IGSF10: variants seen among roughly 807,000 people sequenced by gnomAD.
IGSF10 encodes the protein calvaria mechanical force protein 608.
A neutral mutation model predicts 128.2 loss-of-function variants in IGSF10; 126 were observed. That is an observed-to-expected ratio of 0.98 (90% CI 0.85 to 1.14). The LOEUF is 1.14. IGSF10 is among the 50% of genes most tolerant of loss of function. The pLI is 0.00. For synonymous variants in IGSF10, 1,185 were observed against 1,146.2 expected (o/e 1.03, Z -0.68); for missense variants, 3,295 against 3,149.8 (o/e 1.05, Z -1.10).
the IGSF10 span, among the ~76,000 whole-genome samples, chr3:151,572,896 T>C: frequency 2.0e-5 from 3 of 152,240 alleles, no homozygotes; most frequent in South Asian, 4.1e-4. Flanking sequence ...TTTAAATGTG[T>C]CCCAGAGATT....
the IGSF10 span, among the ~76,000 whole-genome samples, chr3:151,546,824 G>A: frequency 2.0e-5 from 3 of 151,920 alleles, no homozygotes; most frequent in Non-Finnish European, 2.9e-5. Context: ...AGGCTGAAGC[G>A]CAATGGTGCA....
intron 6 of IGSF10, 49 bp from the exon 7 acceptor site, chr3:151,443,933 T>C: frequency 1.4e-6 from 2 of 1,433,840 alleles, no homozygotes; most frequent in Non-Finnish European, 1.9e-6. Context: ...AAAGTTTATT[T>C]AGAAAACATA....
the IGSF10 span, among the ~76,000 whole-genome samples, chr3:151,617,015 G>A: frequency 1.3e-5 from 2 of 152,104 alleles, no homozygotes; most frequent in Non-Finnish European, 2.9e-5. Context: ...TGCCTGCACT[G>A]GTGAGCCCAG....
At chr3:151,463,065 TTTTCCTAGGCTTG>T (rs1722122438), upstream of IGSF10, among the ~76,000 whole-genome samples, 1 of 152,198 alleles carries the variant, frequency 6.6e-6, no homozygotes, top group Non-Finnish European at 1.5e-5. Context: ...GTTAAACTTA[TTTTCCTAGGCTTG>T]TTACCTGGGG....
chr3:151,596,026 G>A, the IGSF10 span, among the ~76,000 whole-genome samples: 1 of 152,120 alleles, frequency 6.6e-6, no homozygotes, highest in African/African-American at 2.4e-5. Flanking sequence ...TTTCTTGACT[G>A]TTGTTACCAT....
chr3:151,608,621 A>G, the IGSF10 span, among the ~76,000 whole-genome samples: 2 of 152,204 alleles, frequency 1.3e-5, no homozygotes, highest in African/African-American at 2.4e-5. Flanking sequence ...TGTTTCTCGG[A>G]TGCTTAACAC....
chr3:151,549,732 G>C, the IGSF10 span, among the ~76,000 whole-genome samples: 1 of 152,072 alleles, frequency 6.6e-6, no homozygotes. Flanking sequence ...GAGAGGCAGA[G>C]AGAGTAAATA....
rs773508865 is a variant in IGSF10 at position 151,437,320 on chromosome 3, C to T, written c.7241G>A (p.Arg2414Lys). 10 of 1,614,052 alleles carry T rather than the reference C, an allele frequency of 6.2e-6. No homozygotes were observed. The East Asian group carries it at 1.3e-4, about 22-fold the overall frequency. ...EDAGKYRCAA[R>K]NKVGYIEKLV... ...TTTCTCAATATAGCCAACTTTATTCCTAGCTGCACAGCGATATTTTCCTGC... is the reference window on the plus strand; with the variant it reads ...TTTCTCAATATAGCCAACTTTATTCTTAGCTGCACAGCGATATTTTCCTGC... The change falls in exon 8 of 8, where the codon AGG becomes AAG. Residue 2414 changes from arginine (R) to lysine (K), a missense_variant. Transcript: ENST00000282466.
the IGSF10 span, among the ~76,000 whole-genome samples, chr3:151,570,654 A>G: frequency 2.0e-5 from 3 of 152,156 alleles, no homozygotes; most frequent in East Asian, 1.9e-4. Flanking sequence ...AGATGAGTAG[A>G]TTGCAAAAAT....
chr3:151,541,574 A>G, the IGSF10 span, among the ~76,000 whole-genome samples: 339 of 152,264 alleles, frequency 2.2e-3, no homozygotes, highest in African/African-American at 6.5e-3. Flanking sequence ...TAGGAGGCTG[A>G]TATTTCTAAT....
At chr3:151,460,734 T>TG (rs201338359) in intron 1 of IGSF10, among the ~76,000 whole-genome samples, 94 of 138,054 alleles carry the variant, frequency 6.8e-4, no homozygotes, top group South Asian at 4.5e-3. Flanking sequence ...TCAGTGTGTG[T>TG]TTTTTTTTTT....
the IGSF10 span, among the ~76,000 whole-genome samples, chr3:151,547,427 T>TACACAC: frequency 9.8e-3 from 1,381 of 140,736 alleles, 2 homozygotes; most frequent in South Asian, 0.011. Flanking sequence ...TAAATATATA[T>TACACAC]ATACACACAC....
At chr3:151,505,836 T>A in the IGSF10 span, among the ~76,000 whole-genome samples, 2 of 152,242 alleles carry the variant, frequency 1.3e-5, no homozygotes, top group Admixed American at 1.3e-4. Context: ...AAATTAAACC[T>A]GCTAATCTTC....
chr3:151,479,702 T>C, the IGSF10 span, among the ~76,000 whole-genome samples: 16 of 152,318 alleles, frequency 1.1e-4, no homozygotes, highest in African/African-American at 3.8e-4. Context: ...TCCAAATATG[T>C]GGCTCATAAA....
intron 7 of IGSF10, among the ~76,000 whole-genome samples, 174 bp from the exon 8 acceptor site, chr3:151,438,771 G>C (rs1229773612): frequency 6.7e-6 from 1 of 150,342 alleles, no homozygotes; most frequent in African/African-American, 2.5e-5. Flanking sequence ...ATTTTGAGGT[G>C]TGTGTGTATA....
the IGSF10 span, among the ~76,000 whole-genome samples, chr3:151,566,576 C>A: frequency 6.6e-6 from 1 of 152,184 alleles, no homozygotes; most frequent in South Asian, 2.1e-4. Flanking sequence ...AAAGAGAGCT[C>A]AGAGGAAATC....
At chr3:151,444,793 A>T in intron 6 of IGSF10, 126 bp downstream of exon 6, 3 of 798,502 alleles carry the variant, frequency 3.8e-6, no homozygotes, top group Non-Finnish European at 5.8e-6. Context: ...TGAGGATATT[A>T]ATAGTTTCTT....
At chr3:151,459,941 A>T (rs1721974708) in intron 2 of IGSF10, among the ~76,000 whole-genome samples, 1 of 152,220 alleles carries the variant, frequency 6.6e-6, no homozygotes, top group Admixed American at 6.5e-5. Flanking sequence ...TGATGGATGT[A>T]TTATTATAAT....
At chr3:151,583,042 C>CT in the IGSF10 span, among the ~76,000 whole-genome samples, 1 of 152,074 alleles carries the variant, frequency 6.6e-6, no homozygotes, top group Non-Finnish European at 1.5e-5. Flanking sequence ...CTACTGAGAT[C>CT]TGTGGTAATG....
Sources: gnomAD v4.1 joint callset for allele counts (sites outside exome capture counted in the v4.1 genomes callset) on GRCh38, gnomAD v4.1.1 for gene constraint, MANE v1.5 for transcripts, NCBI Gene and HGNC (gene_info 2026-07-23, HGNC 2026-07-21) for gene names.